The following NAV2 variants were observed in gnomAD, a reference collection of about 807,000 sequenced individuals.
NAV2 encodes the protein helicase, APC down-regulated 1.
A neutral mutation model predicts 223.2 loss-of-function variants in NAV2; 54 were observed. The observed-to-expected ratio is 0.24, with a 90% CI of 0.19 to 0.30. The LOEUF is 0.30. Ranked by LOEUF, NAV2 falls within the 10% of genes least tolerant of loss-of-function variation. NAV2 has a pLI of 1.00. For synonymous variants in NAV2, 1,279 were observed against 1,239.3 expected (o/e 1.03, Z -0.67); for missense variants, 2,806 against 3,147.5 (o/e 0.89, Z 2.60).
chr11:19,555,957 G>A (rs890590665), intron 1 of NAV2, among the ~76,000 whole-genome samples: 11 of 151,740 alleles, frequency 7.2e-5, no homozygotes, highest in Admixed American at 5.3e-4. Context: ...GTCACAGCCT[G>A]TGCACCTGTC....
intron 1 of NAV2, among the ~76,000 whole-genome samples, chr11:19,616,620 G>C (rs189285989): frequency 2.1e-4 from 32 of 152,038 alleles, no homozygotes; most frequent in Non-Finnish European, 4.3e-4. Flanking sequence ...GTTGCTCCAC[G>C]TGCCCTGATG....
intron 4 of NAV2, among the ~76,000 whole-genome samples, chr11:19,875,655 A>G (rs2062793438): frequency 6.6e-6 from 1 of 152,252 alleles, no homozygotes; most frequent in African/African-American, 2.4e-5. Context: ...GTAAATGAGC[A>G]CAAGGAATCT....
intron 1 of NAV2, among the ~76,000 whole-genome samples, chr11:19,522,319 A>G (rs1184510726): frequency 6.6e-6 from 1 of 152,182 alleles, no homozygotes; most frequent in Non-Finnish European, 1.5e-5. Flanking sequence ...GGAGGAGCCC[A>G]CTGCCTTATT....
intron 1 of NAV2, among the ~76,000 whole-genome samples, chr11:19,620,932 C>T (rs1283415131): frequency 6.6e-6 from 1 of 152,062 alleles, no homozygotes; most frequent in Admixed American, 6.6e-5. Flanking sequence ...TGAGATACAT[C>T]CCATTAATAC....
At chr11:19,718,495 C>T (rs1439006091) in intron 1 of NAV2, among the ~76,000 whole-genome samples, 1 of 145,238 alleles carries the variant, frequency 6.9e-6, no homozygotes, top group East Asian at 1.9e-4. Flanking sequence ...AGAGGAGGCC[C>T]CTGGGAAGAG....
intron 1 of NAV2, among the ~76,000 whole-genome samples, chr11:19,642,165 A>G (rs997705059): frequency 1.3e-5 from 2 of 152,160 alleles, no homozygotes; most frequent in East Asian, 3.9e-4. Flanking sequence ...ACTTTCCCAC[A>G]GTGGCACTGT....
chr11:19,481,554 C>T (rs1237010047), intron 1 of NAV2, among the ~76,000 whole-genome samples: 1 of 152,204 alleles, frequency 6.6e-6, no homozygotes, highest in Admixed American at 6.5e-5. Context: ...TACTTAAGCC[C>T]TCTAAACCTC....
At chr11:20,077,120 G>T (rs1467033539) in intron 22 of NAV2, among the ~76,000 whole-genome samples, 2 of 152,196 alleles carry the variant, frequency 1.3e-5, no homozygotes, top group African/African-American at 4.8e-5. Flanking sequence ...AGAGAAGACA[G>T]ACATACATTA....
At chr11:20,094,778 A>C (rs1233677123) in intron 29 of NAV2, among the ~76,000 whole-genome samples, 1 of 152,224 alleles carries the variant, frequency 6.6e-6, no homozygotes, top group Non-Finnish European at 1.5e-5. Context: ...TGGTGGGGTC[A>C]GATCATGTCA....
chr11:19,565,337 C>G (rs1300117865), intron 1 of NAV2, among the ~76,000 whole-genome samples: 1 of 152,218 alleles, frequency 6.6e-6, no homozygotes, highest in African/African-American at 2.4e-5. Flanking sequence ...CTCCTATTTC[C>G]CTAATCTTTC....
At chr11:19,621,628 T>G (rs983368621) in intron 1 of NAV2, among the ~76,000 whole-genome samples, 1 of 152,228 alleles carries the variant, frequency 6.6e-6, no homozygotes, top group Non-Finnish European at 1.5e-5. Flanking sequence ...TTATTGCGTC[T>G]ATTTGATTCT....
At chr11:19,453,774 T>C (rs1461228000) in intron 1 of NAV2, among the ~76,000 whole-genome samples, 1 of 152,182 alleles carries the variant, frequency 6.6e-6, no homozygotes, top group Non-Finnish European at 1.5e-5. Flanking sequence ...ATAAATCCTT[T>C]ATCCTTTTAA....
rs770289376 is a variant in NAV2, at chr11:20,093,177, A to G, written c.5894A>G (p.Gln1965Arg). The G allele has an allele frequency of 3.1e-6, 5 of 1,613,892 alleles. No individual in the cohort carries two copies. The highest frequency in any genetic ancestry group is 4.2e-6 in the Non-Finnish European group (5 of 1,179,808). ...GRHVKIVVSF[Q>R]EEMKWKEDSR... Reference sequence around the variant, plus strand: ...CATGTTAAGATAGTTGTCAGCTTTCAGGAGGAAATGAAGTGGAAGGAGGTT... The same window carrying G: ...CATGTTAAGATAGTTGTCAGCTTTCGGGAGGAAATGAAGTGGAAGGAGGTT... The change falls in exon 29 of 38, where the codon CAG becomes CGG. Residue 1965 changes from glutamine (Q) to arginine (R), a missense_variant. Physicochemically the swap from Gln to Arg is conservative, Grantham distance 43. Transcript: ENST00000349880.
At chr11:19,649,112 G>A (rs114273414) in intron 1 of NAV2, among the ~76,000 whole-genome samples, 345 of 152,248 alleles carry the variant, frequency 2.3e-3, no homozygotes, top group African/African-American at 6.5e-3. Flanking sequence ...TAGGCTAATC[G>A]TAGTGTTTCT....
At chr11:20,118,062 A>G in intron 37 of NAV2, 71 bp from the exon 38 acceptor site, 1 of 1,578,202 alleles carries the variant, frequency 6.3e-7, no homozygotes, top group East Asian at 2.2e-5. Context: ...AGGTGGCATG[A>G]CCTTTTAGGA....
chr11:20,063,971 C>A (rs2058875716), intron 20 of NAV2, among the ~76,000 whole-genome samples: 1 of 152,160 alleles, frequency 6.6e-6, no homozygotes, highest in Non-Finnish European at 1.5e-5. Flanking sequence ...TTTGAAGGAC[C>A]TAGAAACCCT....
At chr11:19,973,384 G>A (rs914642239) in intron 10 of NAV2, among the ~76,000 whole-genome samples, 6 of 152,196 alleles carry the variant, frequency 3.9e-5, no homozygotes, top group Non-Finnish European at 5.9e-5. Context: ...TTGGGGAGCC[G>A]TAGCAGAAAT....
intron 1 of NAV2, among the ~76,000 whole-genome samples, chr11:19,587,042 G>A (rs958402005): frequency 2.3e-4 from 35 of 152,306 alleles, no homozygotes; most frequent in South Asian, 1.2e-3. Flanking sequence ...CGAGCTTCAC[G>A]GCCGCTTTGT....
chr11:19,443,110 A>G (rs926115574), intron 1 of NAV2, among the ~76,000 whole-genome samples: 9 of 152,192 alleles, frequency 5.9e-5, no homozygotes, highest in African/African-American at 2.2e-4. Flanking sequence ...TATTCCTCAT[A>G]CCACTTCCTT....
Sources: gnomAD v4.1 joint callset for allele counts (sites outside exome capture counted in the v4.1 genomes callset) on GRCh38, gnomAD v4.1.1 for gene constraint, MANE v1.5 for transcripts, NCBI Gene and HGNC (gene_info 2026-07-23, HGNC 2026-07-21) for gene names.